Variants in UBXN4 observed in about 807,000 individuals in gnomAD.
UBXN4 encodes the protein UBX domain protein 4.
In UBXN4, 35 loss-of-function variants were observed where a neutral mutation model predicts 66.2. That is an observed-to-expected ratio of 0.53 (90% CI 0.40 to 0.70). The LOEUF (loss-of-function observed/expected upper bound fraction) is 0.70. UBXN4 is among the 30% of genes least tolerant of loss of function. UBXN4 has a pLI of 0.00. For synonymous variants in UBXN4, 203 were observed against 204.5 expected (o/e 0.99, Z 0.06); for missense variants, 533 against 599.8 (o/e 0.89, Z 1.16).
Position 135,755,920 on chromosome 2 carries a change from T to C in UBXN4, c.508+229T>C, listed in dbSNP as rs552906956. On this transcript the variant is annotated intron_variant, in intron 5 of 12. Coordinates refer to ENST00000272638, the MANE Select transcript of UBXN4 (RefSeq NM_014607.4). Reference sequence around the variant, plus strand: ...AGTCAACAATCCAGAGCAATTGATTTATAATTTCTGCTATTGCGCTGCATG... The same window carrying C: ...AGTCAACAATCCAGAGCAATTGATTCATAATTTCTGCTATTGCGCTGCATG... Among the ~76,000 whole-genome samples, 5 of 152,298 alleles carry C rather than the reference T, an allele frequency of 3.3e-5. 1 individual carries two copies. The highest frequency in any genetic ancestry group is 3.3e-4 in the Admixed American group (5 of 15,290).
intron 2 of UBXN4, among the ~76,000 whole-genome samples, chr2:135,751,641 A>G (rs940919029): frequency 2.6e-5 from 4 of 151,122 alleles, no homozygotes; most frequent in African/African-American, 7.3e-5. Flanking sequence ...AAGTCACCCA[A>G]TGTTTTGGGA....
rs772646968 is a variant in UBXN4 at position 135,755,622 on chromosome 2, T to C, written c.439T>C (p.Ser147Pro). 1 of 1,608,996 alleles carries C rather than the reference T, an allele frequency of 6.2e-7. No individual in the cohort carries two copies. The highest frequency in any genetic ancestry group is 8.5e-7 in the Non-Finnish European group (1 of 1,177,510). Reference protein sequence around the residue: ...SFEPNNTCENSQSRNAELCEI... With the variant: ...SFEPNNTCENPQSRNAELCEI... Reference sequence around the variant, plus strand: ...TGAACCTAACAACACTTGTGAAAACTCTCAGTCCAGAAATGCAGAGCTTTG... The same window carrying C: ...TGAACCTAACAACACTTGTGAAAACCCTCAGTCCAGAAATGCAGAGCTTTG... The change falls in exon 5 of 13, where the codon TCT becomes CCT. Residue 147 changes from serine (S) to proline (P), a missense_variant. Around this residue, in one of 2 missense-constraint regions of UBXN4, gnomAD observed 529 missense variants for 580.1 expected, o/e 0.91. Coordinates refer to ENST00000272638, the MANE Select transcript of UBXN4 (RefSeq NM_014607.4).
intron 1 of UBXN4, 32 bp from the exon 2 acceptor site, chr2:135,748,235 C>T: frequency 6.7e-7 from 1 of 1,495,894 alleles, no homozygotes; most frequent in South Asian, 1.4e-5. Context: ...CAGATCCCAG[C>T]CTGGTATAAG....
At chr2:135,771,545 A>G (rs2077383736) in intron 8 of UBXN4, among the ~76,000 whole-genome samples, 1 of 152,136 alleles carries the variant, frequency 6.6e-6, no homozygotes. Context: ...TCAGTCAACA[A>G]GTATTTGTTG....
intron 2 of UBXN4, among the ~76,000 whole-genome samples, chr2:135,750,547 T>G (rs921983821): frequency 4.6e-5 from 7 of 152,034 alleles, no homozygotes; most frequent in Non-Finnish European, 7.3e-5. Context: ...ATTCAGAAAT[T>G]TGCCTATAAG....
intron 5 of UBXN4, among the ~76,000 whole-genome samples, chr2:135,756,672 A>C (rs1487163292): frequency 1.3e-5 from 2 of 152,190 alleles, no homozygotes; most frequent in Non-Finnish European, 2.9e-5. Context: ...GATATATATC[A>C]TTTCCAAAAT....
intron 6 of UBXN4, among the ~76,000 whole-genome samples, chr2:135,762,996 A>G (rs1352745970): frequency 6.6e-6 from 1 of 152,160 alleles, no homozygotes; most frequent in East Asian, 1.9e-4. Flanking sequence ...GTTATACTGG[A>G]AAAAGTTTTT....
rs919583168 is a variant in UBXN4, at chr2:135,770,799, T to C, written c.822+64T>C. ...TCTGTGCACAGTAGCTTTAGATTAC[T>C]ACCAGACTGTGCACACAAAAATAGA... On this transcript the variant is annotated intron_variant, in intron 8 of 12. Transcript: ENST00000272638. The C allele has an allele frequency of 4.5e-6, 6 of 1,334,802 alleles. No individual in the cohort carries two copies. The Admixed American group carries it at 1.2e-4, about 27-fold the overall frequency. The allele number at this position is 1,334,802 out of a possible 1,614,324, so 82.7% of individuals were successfully genotyped here. A position where few individuals can be genotyped will look rare whatever the true frequency, so the allele number is the denominator to read the frequency against.
chr2:135,765,454 G>C (rs1036280269), intron 6 of UBXN4, among the ~76,000 whole-genome samples: 4 of 151,762 alleles, frequency 2.6e-5, no homozygotes, highest in African/African-American at 9.7e-5. Context: ...CAGGTGATCT[G>C]CCCGCCTCGG....
At chr2:135,759,263 T>C (rs1252736872) in intron 5 of UBXN4, among the ~76,000 whole-genome samples, 1 of 152,188 alleles carries the variant, frequency 6.6e-6, no homozygotes, top group Non-Finnish European at 1.5e-5. Flanking sequence ...AAAATATCAA[T>C]ATCTAAAAGA....
chr2:135,769,397 G>C (rs986055221), intron 6 of UBXN4, among the ~76,000 whole-genome samples: 1 of 147,254 alleles, frequency 6.8e-6, no homozygotes, highest in East Asian at 2.0e-4. Flanking sequence ...ATTTTTACAG[G>C]TTTTTTTTTT....
chr2:135,754,982 C>T (rs2077271153), intron 4 of UBXN4, among the ~76,000 whole-genome samples: 1 of 151,940 alleles, frequency 6.6e-6, no homozygotes, highest in African/African-American at 2.4e-5. Flanking sequence ...CGGAATTTTG[C>T]CATGTTGGCC....
chr2:135,748,990 A>T (rs906759876), intron 2 of UBXN4, among the ~76,000 whole-genome samples: 4 of 151,950 alleles, frequency 2.6e-5, no homozygotes, highest in African/African-American at 9.7e-5. Context: ...TGCAGTTAGC[A>T]GTGACTGCAC....
intron 1 of UBXN4, chr2:135,747,715 A>G (rs773003458): frequency 8.8e-6 from 4 of 455,972 alleles, no homozygotes; most frequent in South Asian, 6.2e-5. Context: ...GCTCACTGCA[A>G]CTTCCACCTT....
chr2:135,780,140 G>A (rs758915389), intron 11 of UBXN4, 43 bp from the exon 12 acceptor site: 1 of 1,592,692 alleles, frequency 6.3e-7, no homozygotes, highest in Middle Eastern at 1.7e-4. Flanking sequence ...TGATGTGATT[G>A]TGCTAACGTA....
intron 9 of UBXN4, 85 bp downstream of exon 9, chr2:135,772,632 C>A: frequency 6.5e-7 from 1 of 1,548,272 alleles, no homozygotes. Context: ...CTGATGTATA[C>A]TGTGGTTATA....
At chr2:135,765,368 C>A (rs1228503954) in intron 6 of UBXN4, among the ~76,000 whole-genome samples, 1 of 151,914 alleles carries the variant, frequency 6.6e-6, no homozygotes, top group Non-Finnish European at 1.5e-5. Flanking sequence ...CACCACCACA[C>A]CCGGCTAATT....
intron 8 of UBXN4, among the ~76,000 whole-genome samples, chr2:135,771,563 ATTAT>A (rs1403173691): frequency 1.3e-5 from 2 of 152,066 alleles, no homozygotes; most frequent in African/African-American, 4.8e-5. Context: ...TTGAGCATTT[ATTAT>A]TTATTTATTT....
chr2:135,782,375 A>G (rs2077455496), intron 12 of UBXN4, among the ~76,000 whole-genome samples: 1 of 152,256 alleles, frequency 6.6e-6, no homozygotes, highest in Admixed American at 6.5e-5. Flanking sequence ...GGAGCTTTGG[A>G]TAGTCTCTAG....
Sources: allele counts gnomAD v4.1 joint callset (sites outside exome capture counted in the v4.1 genomes callset), GRCh38; gene constraint gnomAD v4.1.1; regional missense constraint gnomAD v4.1.1; transcripts MANE v1.5; gene names NCBI Gene and HGNC (gene_info 2026-07-23, HGNC 2026-07-21).